The following ABCB11 variants were observed in gnomAD, a reference collection of about 807,000 sequenced individuals.
ABCB11 encodes bile salt export pump.
In ABCB11, 95 loss-of-function variants were observed where a neutral mutation model predicts 148.0. The observed-to-expected ratio is 0.64, with a 90% CI of 0.54 to 0.76. The LOEUF is 0.76. Among genes scored for constraint, ABCB11 ranks in the 30% least tolerant of loss-of-function variants. The pLI, the probability that ABCB11 is intolerant of heterozygous loss-of-function variation, is 0.00. For missense variants in ABCB11, 1,523 were observed against 1,617.8 expected (o/e 0.94, Z 1.01); for synonymous variants, 591 against 555.4 (o/e 1.06, Z -0.90).
At chr2:168,986,310 A>C in intron 9 of ABCB11, 26 bp from the exon 10 acceptor site, 1 of 1,595,452 alleles carries the variant, frequency 6.3e-7, no homozygotes, top group South Asian at 1.1e-5. Context: ...GCTTGAGTCA[A>C]TTTCGGCAGA....
chr2:168,965,311 C>T (rs1308515094), intron 17 of ABCB11, among the ~76,000 whole-genome samples: 6 of 151,742 alleles, frequency 4.0e-5, no homozygotes, highest in Admixed American at 3.3e-4. Flanking sequence ...TTCCCTCCCC[C>T]AGACTCCTGG....
In ABCB11 at chr2:168,970,204, G is replaced by A. The variant is rs1490312459; in HGVS notation, c.1650C>T (p.Thr550=). The change falls in exon 15 of 28, where the codon ACC becomes ACT. Residue 550 remains threonine, a synonymous_variant. Coordinates refer to ENST00000650372, the MANE Select transcript of ABCB11 (RefSeq NM_003742.4). ...TCTGGCCTCCTCCTTCTCCAACAAG[G>A]GTGTCAAATTGCTAGATGGAAGGTG... is the stretch of plus-strand genomic sequence containing the variant. ...FIMDLPQQFD[T]LVGEGGGQMS... 1 of 1,611,524 alleles carries A rather than the reference G, an allele frequency of 6.2e-7. No individual in the cohort carries two copies. The highest frequency in any genetic ancestry group is 1.1e-5 in the South Asian group (1 of 90,946).
intron 5 of ABCB11, among the ~76,000 whole-genome samples, chr2:169,006,922 C>T (rs754148189): frequency 1.2e-4 from 18 of 152,068 alleles, no homozygotes; most frequent in East Asian, 3.8e-4. Flanking sequence ...AAGTGGATCA[C>T]GAATCAGAAG....
In ABCB11 at chr2:168,944,599, G is replaced by GC; in HGVS notation, c.2610+5dup. On this transcript the variant is annotated splice_donor_region_variant and intron_variant, in intron 21 of 27. Coordinates refer to ENST00000650372, the MANE Select transcript of ABCB11 (RefSeq NM_003742.4). ...ATATACTTCTATTTCCCCTCCCATA[G>GC]CTCACCCCTTGAACTTGGGAAGCAT... 6.3e-7 allele frequency: 1 copy of GC among 1,596,778 alleles called. No individual in the cohort carries two copies. The highest frequency in any genetic ancestry group is 2.2e-5 in the East Asian group (1 of 44,600).
At chr2:168,977,432 C>T (rs75332185) in intron 11 of ABCB11, among the ~76,000 whole-genome samples, 3,118 of 152,162 alleles carry the variant, frequency 0.02, 115 homozygotes, top group African/African-American at 0.07. Context: ...ATGCTACCAA[C>T]TTTCAATTGT....
intron 18 of ABCB11, among the ~76,000 whole-genome samples, chr2:168,960,958 G>C (rs1693045673): frequency 1.5e-5 from 2 of 134,724 alleles, no homozygotes; most frequent in Admixed American, 1.6e-4. Context: ...CTGGCAGGTT[G>C]CACAGCACTT....
In ABCB11 at chr2:169,003,319, G is replaced by GGTGTGTGTGT. The variant is rs751149363; in HGVS notation, c.390-6598_390-6597insACACACACAC. ...TTTTTATGGCTGAGTAGTATTCCAT[G>GGTGTGTGTGT]GTGCGTGTGTGTGTGTGTGTGTGTG... On this transcript the variant is annotated intron_variant, in intron 5 of 27. Transcript: ENST00000650372. Among the ~76,000 whole-genome samples, 897 of 140,078 alleles carry GGTGTGTGTGT rather than the reference G, an allele frequency of 6.4e-3. 17 individuals are homozygous for GGTGTGTGTGT. Among genetic ancestry groups the GGTGTGTGTGT allele is most frequent in the East Asian group, 9.5e-3 (35 of 3,670 alleles). The allele number at this position is 140,078 out of a possible 152,430, so 91.9% of individuals were successfully genotyped here.
At chr2:169,013,544 G>A (rs753821235) in intron 4 of ABCB11, 34 bp from the exon 5 acceptor site, 2 of 1,565,946 alleles carry the variant, frequency 1.3e-6, no homozygotes, top group African/African-American at 2.7e-5. Context: ...ATCATCTATG[G>A]GTGAAGAGCA....
chr2:169,004,309 A>C (rs987347845), intron 5 of ABCB11, among the ~76,000 whole-genome samples: 2 of 152,130 alleles, frequency 1.3e-5, no homozygotes, highest in African/African-American at 4.8e-5. Context: ...AACACCAATT[A>C]TTCTTAGGTT....
chr2:168,944,883 C>T lies in ABCB11; in HGVS notation c.2422G>A (p.Val808Ile). The T allele has an allele frequency of 6.3e-7, 1 of 1,583,724 alleles. No individual in the cohort carries two copies. Among genetic ancestry groups the T allele is most frequent in the Non-Finnish European group, 8.6e-7 (1 of 1,163,284 alleles). Residue 808 changes from valine (V) to isoleucine (I), a missense_variant, in exon 20 of 28, where the codon GTA becomes ATA. By Grantham distance (29) the Val-to-Ile change is conservative. Transcript: ENST00000650372. ...VCLLFVAMGC[V>I]SLFTQFLQGY... is the part of the protein sequence containing the mutation. Reference sequence around the variant, plus strand: ...TGTAGAAATTGGGTGAAAAGAGATACACAGCCCATTGCTACAAAAAGTAGG... The same window carrying T: ...TGTAGAAATTGGGTGAAAAGAGATATACAGCCCATTGCTACAAAAAGTAGG...
At chr2:168,964,058 A>G (rs1025982918) in intron 18 of ABCB11, 148 bp downstream of exon 18, 1 of 501,500 alleles carries the variant, frequency 2.0e-6, no homozygotes, top group African/African-American at 1.9e-5. Flanking sequence ...TAGAGTTTTC[A>G]TTAGGTCTTA....
chr2:168,927,582 A>T (rs1333943437), intron 25 of ABCB11, among the ~76,000 whole-genome samples: 1 of 152,144 alleles, frequency 6.6e-6, no homozygotes, highest in Non-Finnish European at 1.5e-5. Context: ...CTATGGTCCT[A>T]TTTATTTCCT....
At chr2:168,951,203 C>T (rs1101534) in intron 19 of ABCB11, among the ~76,000 whole-genome samples, 73,697 of 151,346 alleles carry the variant, frequency 0.49, 18,920 homozygotes, top group South Asian at 0.66. Flanking sequence ...AGCTTTGTTC[C>T]TTTTGCTTAG....
At chr2:168,931,192 T>C (rs1369922850) in intron 24 of ABCB11, among the ~76,000 whole-genome samples, 3 of 152,208 alleles carry the variant, frequency 2.0e-5, no homozygotes, top group African/African-American at 4.8e-5. Flanking sequence ...AGCCAGTAAC[T>C]GTCCAAACCC....
chr2:168,936,522 G>A (rs1475806047), intron 21 of ABCB11, 89 bp from the exon 22 acceptor site: 1 of 1,226,980 alleles, frequency 8.2e-7, no homozygotes, highest in African/African-American at 1.5e-5. Context: ...CTTTTATAAA[G>A]TTGTGATAAA....
chr2:168,926,907 C>G (rs1691337631), intron 26 of ABCB11, among the ~76,000 whole-genome samples: 1 of 152,050 alleles, frequency 6.6e-6, no homozygotes, highest in Non-Finnish European at 1.5e-5. Flanking sequence ...GAAGTAAATT[C>G]CTATAATATT....
chr2:168,972,532 C>A (rs561955752), intron 13 of ABCB11, among the ~76,000 whole-genome samples: 1 of 151,918 alleles, frequency 6.6e-6, no homozygotes, highest in African/African-American at 2.4e-5. Flanking sequence ...TCAGTGGGAG[C>A]AAATAAAAAT....
At chr2:169,017,023 C>CAT (rs10681889) in intron 2 of ABCB11, among the ~76,000 whole-genome samples, 2 of 147,080 alleles carry the variant, frequency 1.4e-5, no homozygotes, top group African/African-American at 5.0e-5. Context: ...CACACACACA[C>CAT]GAAGACACTC....
chr2:169,018,134 C>A lies in ABCB11; in HGVS notation c.-9G>T. 1.2e-6 allele frequency: 2 copies of A among 1,613,092 alleles called. No homozygotes were observed. Among genetic ancestry groups the A allele is most frequent in the Non-Finnish European group, 1.7e-6 (2 of 1,179,222 alleles). ...ATTACTGAGTCAGACATGGTAATTG[C>A]AACCCACAGCCAACGACCCTATAAA... On this transcript the variant is annotated 5_prime_UTR_variant, in exon 2 of 28. Transcript: ENST00000650372.
Sources: allele counts gnomAD v4.1 joint callset (sites outside exome capture counted in the v4.1 genomes callset), GRCh38; gene constraint gnomAD v4.1.1; transcripts MANE v1.5; gene names NCBI Gene and HGNC (gene_info 2026-07-23, HGNC 2026-07-21).